TBC1D30: variants seen among roughly 807,000 people sequenced by gnomAD.
TBC1D30 encodes the protein TBC1 domain family member 30.
In TBC1D30, 31 loss-of-function variants were observed where a neutral mutation model predicts 63.2. The observed-to-expected ratio is 0.49, with a 90% CI of 0.37 to 0.66. TBC1D30 has a LOEUF of 0.66. Ranked by LOEUF, TBC1D30 falls within the 30% of genes least tolerant of loss-of-function variation. The pLI is 0.00. For synonymous variants in TBC1D30, 307 were observed against 361.5 expected (o/e 0.85, Z 1.71); for missense variants, 810 against 953.6 (o/e 0.85, Z 1.98).
chr12:64,867,292 C>T (rs1483152600), intron 10 of TBC1D30, among the ~76,000 whole-genome samples: 5 of 151,828 alleles, frequency 3.3e-5, no homozygotes, highest in South Asian at 2.1e-4. Flanking sequence ...GGTGAAACCC[C>T]GTCTCTACTA....
upstream of TBC1D30, among the ~76,000 whole-genome samples, chr12:64,820,123 A>G (rs1176208552): frequency 6.6e-6 from 1 of 152,160 alleles, no homozygotes. Flanking sequence ...CCCTGAAGAT[A>G]AGCACGTAGG....
At chr12:64,835,230 G>T (rs1475311968) in intron 5 of TBC1D30, among the ~76,000 whole-genome samples, 2 of 152,112 alleles carry the variant, frequency 1.3e-5, no homozygotes, top group African/African-American at 2.4e-5. Context: ...AAGGCCTTCT[G>T]GGTCTGGCCA....
At chr12:64,862,734 T>C (rs1490836977) in intron 8 of TBC1D30, among the ~76,000 whole-genome samples, 1 of 152,214 alleles carries the variant, frequency 6.6e-6, no homozygotes, top group Non-Finnish European at 1.5e-5. Flanking sequence ...GCATCAAAAA[T>C]CTCATCTTTT....
upstream of TBC1D30, among the ~76,000 whole-genome samples, chr12:64,821,802 G>T (rs1046169525): frequency 6.6e-6 from 1 of 152,216 alleles, no homozygotes; most frequent in South Asian, 2.1e-4. Context: ...GTTGATGGAG[G>T]ATAAATTTCT....
intron 1 of TBC1D30, among the ~76,000 whole-genome samples, chr12:64,781,661 A>G (rs1273886206): frequency 6.6e-6 from 1 of 150,830 alleles, no homozygotes; most frequent in Non-Finnish European, 1.5e-5. Flanking sequence ...GCGCCGCCAG[A>G]ATCGAGGCGA....
At chr12:64,823,250 T>C (rs1873998793), upstream of TBC1D30, among the ~76,000 whole-genome samples, 1 of 152,200 alleles carries the variant, frequency 6.6e-6, no homozygotes, top group Non-Finnish European at 1.5e-5. Context: ...TTAATAACAA[T>C]AATACTACTG....
At chr12:64,779,161 T>C (rs1871161461), upstream of TBC1D30, 1 of 152,060 alleles carries the variant, frequency 6.6e-6, no homozygotes, top group African/African-American at 2.4e-5. Context: ...CATCTCTTCT[T>C]AGGGGGAAGA....
intron 11 of TBC1D30, among the ~76,000 whole-genome samples, chr12:64,873,029 C>T (rs1878776587): frequency 6.6e-6 from 1 of 152,040 alleles, no homozygotes; most frequent in Non-Finnish European, 1.5e-5. Flanking sequence ...TATCAGAAAC[C>T]ATGGTTTGAG....
At chr12:64,826,559 G>T (rs903666352) in intron 1 of TBC1D30, among the ~76,000 whole-genome samples, 1 of 152,114 alleles carries the variant, frequency 6.6e-6, no homozygotes, top group Non-Finnish European at 1.5e-5. Context: ...CTTAAAGCGT[G>T]CGCTGGGCTG....
At chr12:64,771,847 C>G (rs1870916655) in intron 1 of TBC1D30, among the ~76,000 whole-genome samples, 1 of 152,148 alleles carries the variant, frequency 6.6e-6, no homozygotes, top group South Asian at 2.1e-4. Flanking sequence ...TATATGGACT[C>G]ACTGGCAGTG....
In TBC1D30 at chr12:64,827,729, TA is replaced by T. The variant is rs1271678832; in HGVS notation, c.155-98del. 361 of 826,464 alleles carry T rather than the reference TA, an allele frequency of 4.4e-4. 1 individual carries two copies. Among genetic ancestry groups the T allele is most frequent in the East Asian group, 5.7e-4 (21 of 36,664 alleles). The allele number at this position is 826,464 out of a possible 1,614,324, so 51.2% of individuals were successfully genotyped here. On this transcript the variant is annotated intron_variant, in intron 1 of 11. Coordinates refer to ENST00000539867, the MANE Select transcript of TBC1D30 (RefSeq NM_015279.2). ...TAAAATTTAGTAAAGATACATACTT[TA>T]AAAAAAATTGTGATGATTCAGTAGA... is the stretch of plus-strand genomic sequence containing the variant.
At chr12:64,862,243 C>T (rs1439537375) in intron 8 of TBC1D30, among the ~76,000 whole-genome samples, 3 of 152,122 alleles carry the variant, frequency 2.0e-5, no homozygotes, top group Admixed American at 1.3e-4. Flanking sequence ...AGTGCTATGT[C>T]GGTGTGCCAG....
rs1228800072 is a variant in TBC1D30 at position 64,773,314 on chromosome 12, T to C, written c.-375-12567T>C. Reference sequence around the variant, plus strand: ...TCCAGCCACCCCTGCCAGTGTTCTCTGGCCAACAGAGATTTGAAAACTTCC... The same window carrying C: ...TCCAGCCACCCCTGCCAGTGTTCTCCGGCCAACAGAGATTTGAAAACTTCC... On this transcript the variant is annotated intron_variant, in intron 1 of 13. Coordinates refer to the TBC1D30 transcript ENST00000674237. Among the ~76,000 whole-genome samples, 3 of 152,334 alleles carry C rather than the reference T, an allele frequency of 2.0e-5. No homozygotes were observed. The East Asian group carries it at 5.8e-4, about 29-fold the overall frequency.
intron 4 of TBC1D30, 29 bp from the exon 5 acceptor site, chr12:64,832,090 T>C (rs775499008): frequency 1.3e-6 from 2 of 1,491,350 alleles, no homozygotes; most frequent in South Asian, 2.5e-5. Flanking sequence ...AGGAGTTATT[T>C]TTGAAAATAT....
At position 64,864,755 on chromosome 12, in the gene TBC1D30, A is replaced by G. The variant is rs1367604087; in HGVS notation, c.1126A>G (p.Thr376Ala). The G allele has an allele frequency of 1.7e-5, 26 of 1,535,928 alleles. No homozygotes were observed. The highest frequency in any genetic ancestry group is 2.2e-5 in the Non-Finnish European group (25 of 1,146,828). ...CTACAACATTACACCGTTCCCAGCC[A>G]CAGTTAAACCCACCTCAGTTTCTGG... ...YTYNITPFPA[T>A]VKPTSVSGRH... Residue 376 changes from threonine (T) to alanine (A), a missense_variant, in exon 9 of 12, where the codon ACA (threonine) becomes GCA (alanine). Coordinates refer to ENST00000539867, the MANE Select transcript of TBC1D30 (RefSeq NM_015279.2).
intron 11 of TBC1D30, among the ~76,000 whole-genome samples, chr12:64,871,248 G>GA (rs374079112): frequency 3.0e-4 from 45 of 151,882 alleles, no homozygotes; most frequent in African/African-American, 7.5e-4. Context: ...GAGAAACTGG[G>GA]AAAAAAAACA....
chr12:64,840,054 TA>T, intron 7 of TBC1D30, among the ~76,000 whole-genome samples: 1 of 148,840 alleles, frequency 6.7e-6, no homozygotes, highest in South Asian at 2.1e-4. Context: ...TTCAGGGACT[TA>T]AAAAAATTAT....
Position 64,875,889 on chromosome 12 carries a change from A to T in TBC1D30, c.*101A>T, listed in dbSNP as rs368685462. ...AGTTTTATTTGTCCAGTGAAAATGA[A>T]TAGGTTCAGGGATGAGCAACAGCCC... On this transcript the variant is annotated 3_prime_UTR_variant, in exon 12 of 12. Coordinates refer to ENST00000539867, the MANE Select transcript of TBC1D30 (RefSeq NM_015279.2). 56 of 1,245,114 alleles carry T rather than the reference A, an allele frequency of 4.5e-5. No homozygotes were observed. The Middle Eastern group carries it at 1.3e-3, about 29-fold the overall frequency. The allele number at this position is 1,245,114 out of a possible 1,614,324, so 77.1% of individuals were successfully genotyped here.
chr12:64,831,801 ACAAT>A (rs762236032), intron 4 of TBC1D30, among the ~76,000 whole-genome samples: 15 of 152,326 alleles, frequency 9.8e-5, no homozygotes, highest in South Asian at 4.1e-4. Context: ...TATTATTAAA[ACAAT>A]CAATTTACAT....
Sources: gnomAD v4.1 joint callset for allele counts (sites outside exome capture counted in the v4.1 genomes callset) on GRCh38, gnomAD v4.1.1 for gene constraint, MANE v1.5 for transcripts, NCBI Gene and HGNC (gene_info 2026-07-23, HGNC 2026-07-21) for gene names.